Variants in ANKFN1 observed in about 807,000 individuals in gnomAD.
ANKFN1 encodes the protein ankyrin repeat and fibronectin type III domain containing 1.
Under a neutral mutation model 108.7 loss-of-function variants are expected in ANKFN1, and 74 were observed. That is an observed-to-expected ratio of 0.68 (90% CI 0.56 to 0.83). The LOEUF is 0.83. ANKFN1 is among the 40% of genes least tolerant of loss of function. The pLI is 0.00. For synonymous variants in ANKFN1, 547 were observed against 516.2 expected, an observed-to-expected ratio of 1.06 and a Z score of -0.81; for missense variants, 1,505 against 1,382.3, an observed-to-expected ratio of 1.09 and a Z score of -1.41.
chr17:56,387,930 T>C (rs1000152956), intron 8 of ANKFN1, among the ~76,000 whole-genome samples: 11 of 152,172 alleles, frequency 7.2e-5, no homozygotes, highest in South Asian at 4.1e-4. Context: ...TTTTTTTGTA[T>C]ACACATTTAA....
intron 20 of ANKFN1, among the ~76,000 whole-genome samples, 190 bp from the exon 21 acceptor site, chr17:56,510,283 G>A (rs1328353410): frequency 1.3e-5 from 2 of 152,114 alleles, no homozygotes; most frequent in Non-Finnish European, 2.9e-5. Context: ...ATAATTTGTG[G>A]GGTCCTGTGC....
At chr17:56,318,542 G>T (rs1598400067) in intron 3 of ANKFN1, among the ~76,000 whole-genome samples, 2 of 152,272 alleles carry the variant, frequency 1.3e-5, no homozygotes. Flanking sequence ...TTTCAATCCA[G>T]TAAGGGAATT....
At chr17:56,466,959 A>G (rs1457821663) in intron 15 of ANKFN1, among the ~76,000 whole-genome samples, 2 of 151,868 alleles carry the variant, frequency 1.3e-5, no homozygotes, top group Admixed American at 1.3e-4. Context: ...ACAAAAAAAT[A>G]AATAAATAAA....
intron 4 of ANKFN1, among the ~76,000 whole-genome samples, chr17:56,112,968 G>A (rs1190617700): frequency 2.0e-5 from 3 of 152,142 alleles, no homozygotes; most frequent in Admixed American, 6.5e-5. Flanking sequence ...TCTATATGAC[G>A]TAGTATTTCT....
At position 56,510,712 on chromosome 17, in the gene ANKFN1, C is replaced by A. The variant is rs1169858999; in HGVS notation, c.2884C>A (p.Pro962Thr). 5 of 1,536,036 alleles carry A rather than the reference C, an allele frequency of 3.3e-6. No individual in the cohort carries two copies. Among genetic ancestry groups the A allele is most frequent in the Non-Finnish European group, 3.5e-6 (4 of 1,146,920 alleles). ...GQDPQGEGPN[P>T]DHSCAEFLHS... is the part of the protein sequence containing the mutation. ...GGATCCCCAGGGCGAGGGCCCAAAT[C>A]CCGATCACTCATGTGCCGAGTTTCT... The change falls in exon 21 of 21, where the codon CCC becomes ACC. Residue 962 changes from proline to threonine, a missense_variant. Coordinates refer to ENST00000682825, the MANE Select transcript of ANKFN1 (RefSeq NM_001370326.1).
At chr17:56,093,545 C>T (rs1030365265) in intron 4 of ANKFN1, among the ~76,000 whole-genome samples, 9 of 151,272 alleles carry the variant, frequency 5.9e-5, no homozygotes, top group Non-Finnish European at 7.4e-5. Context: ...TAGGAATACA[C>T]GAAATGCACA....
chr17:56,374,830 C>A, intron 8 of ANKFN1, 116 bp downstream of exon 8: 1 of 791,342 alleles, frequency 1.3e-6, no homozygotes. Context: ...GTTTTTATCC[C>A]ATTGACTTTT....
chr17:56,377,422 A>G (rs2046974512), intron 8 of ANKFN1, among the ~76,000 whole-genome samples: 1 of 151,556 alleles, frequency 6.6e-6, no homozygotes, highest in Non-Finnish European at 1.5e-5. Flanking sequence ...AAACCTAGGA[A>G]ACAGTTTTCA....
At chr17:56,110,047 T>C (rs1355003630) in intron 4 of ANKFN1, among the ~76,000 whole-genome samples, 1 of 152,214 alleles carries the variant, frequency 6.6e-6, no homozygotes, top group Non-Finnish European at 1.5e-5. Flanking sequence ...TGGTGCTTAA[T>C]TGCAAAGAGT....
At chr17:56,474,307 T>A (rs545159372) in intron 15 of ANKFN1, among the ~76,000 whole-genome samples, 1 of 152,198 alleles carries the variant, frequency 6.6e-6, no homozygotes, top group South Asian at 2.1e-4. Context: ...AGATTCTACT[T>A]TTCTGAGGTT....
intron 4 of ANKFN1, among the ~76,000 whole-genome samples, chr17:56,330,053 G>A (rs2144558212): frequency 6.6e-6 from 1 of 152,324 alleles, no homozygotes; most frequent in Non-Finnish European, 1.5e-5. Flanking sequence ...TTTGGTTACA[G>A]CAGCCTGAAG....
intron 8 of ANKFN1, among the ~76,000 whole-genome samples, chr17:56,411,122 C>T (rs2048077193): frequency 6.6e-6 from 1 of 152,124 alleles, no homozygotes; most frequent in South Asian, 2.1e-4. Flanking sequence ...TTAATTCTTA[C>T]AGTCTATGAA....
chr17:56,492,120 G>A (rs1007634104), intron 18 of ANKFN1, 67 bp from the exon 19 acceptor site: 1 of 664,878 alleles, frequency 1.5e-6, no homozygotes, highest in African/African-American at 1.8e-5. Context: ...TGTTTTCTCT[G>A]AGGTATGAAT....
intron 1 of ANKFN1, among the ~76,000 whole-genome samples, chr17:56,207,667 G>A (rs921212030): frequency 2.6e-5 from 4 of 152,122 alleles, no homozygotes; most frequent in African/African-American, 7.2e-5. Flanking sequence ...TTGTAAAGGT[G>A]TAATATTCTT....
At chr17:56,475,008 G>A (rs1229986779) in intron 15 of ANKFN1, among the ~76,000 whole-genome samples, 1 of 152,050 alleles carries the variant, frequency 6.6e-6, no homozygotes, top group Non-Finnish European at 1.5e-5. Context: ...TCCCAGTTGT[G>A]ACCATTCTTA....
chr17:56,494,737 C>T (rs1403924263), intron 19 of ANKFN1, among the ~76,000 whole-genome samples: 1 of 152,088 alleles, frequency 6.6e-6, no homozygotes, highest in Non-Finnish European at 1.5e-5. Context: ...TTGGCTCTAA[C>T]GTTTTATGAC....
intron 4 of ANKFN1, among the ~76,000 whole-genome samples, chr17:56,349,044 G>A (rs1346873850): frequency 6.6e-6 from 1 of 152,148 alleles, no homozygotes; most frequent in Admixed American, 6.6e-5. Context: ...ATACTATGTA[G>A]CCATAAAAAG....
chr17:56,183,855 A>G (rs1344552198), intron 1 of ANKFN1, among the ~76,000 whole-genome samples: 1 of 152,228 alleles, frequency 6.6e-6, no homozygotes, highest in Non-Finnish European at 1.5e-5. Context: ...GCGGATGAAG[A>G]AACTGCATAT....
chr17:56,425,263 TG>T (rs2048526073), intron 8 of ANKFN1, among the ~76,000 whole-genome samples: 3 of 152,312 alleles, frequency 2.0e-5, no homozygotes, highest in South Asian at 2.1e-4. Context: ...AAGGTGGTTT[TG>T]GTGGGTAACA....
Sources: allele counts gnomAD v4.1 joint callset (sites outside exome capture counted in the v4.1 genomes callset), GRCh38; gene constraint gnomAD v4.1.1; transcripts MANE v1.5; gene names NCBI Gene and HGNC (gene_info 2026-07-23, HGNC 2026-07-21).